The following EVC variants were observed in gnomAD, a reference collection of about 807,000 sequenced individuals.
The protein encoded by EVC is evC complex member EVC.
EVC carries 116 observed loss-of-function variants against 118.9 expected under a neutral mutation model. That is an observed-to-expected ratio of 0.98 (90% CI 0.84 to 1.14). The LOEUF is 1.14. Among genes scored for constraint, EVC ranks in the 50% most tolerant of loss-of-function variants. The pLI is 0.00. For missense variants in EVC, 1,401 were observed against 1,246.4 expected (o/e 1.12, Z -1.87); for synonymous variants, 619 against 534.7 (o/e 1.16, Z -2.18).
intron 9 of EVC, 141 bp downstream of exon 9, chr4:5,753,193 C>G (rs1730656312): frequency 3.7e-6 from 3 of 802,004 alleles, no homozygotes; most frequent in South Asian, 3.1e-5. Context: ...GCCCTAGGGA[C>G]TGGGTCACTG....
At chr4:5,800,645 G>A (rs1714803521) in intron 15 of EVC, among the ~76,000 whole-genome samples, 1 of 152,152 alleles carries the variant, frequency 6.6e-6, no homozygotes, top group Non-Finnish European at 1.5e-5. Flanking sequence ...GACCTTCGGG[G>A]AAAGAGGATG....
chr4:5,750,993 G>A (rs778872127), intron 8 of EVC, among the ~76,000 whole-genome samples: 2 of 152,044 alleles, frequency 1.3e-5, no homozygotes, highest in Non-Finnish European at 2.9e-5. Flanking sequence ...TATTAAAACT[G>A]GAAGAGCCCT....
intron 2 of EVC, among the ~76,000 whole-genome samples, chr4:5,727,241 C>T (rs1726002385): frequency 6.6e-6 from 1 of 152,100 alleles, no homozygotes; most frequent in Non-Finnish European, 1.5e-5. Flanking sequence ...CTGTTGTTTC[C>T]TGACTTTTTA....
rs1273256894 is a variant in EVC, at chr4:5,722,118, A to T, written c.300+2745A>T. 2.6e-5 allele frequency among the ~76,000 whole-genome samples: 4 copies of T among 152,124 alleles called. No individual in the cohort carries two copies. In the East Asian group the frequency reaches 7.7e-4, roughly 29 times the overall value. ...TGTGTGATGTTGGGCAGGAAGCATA[A>T]CCTGTCTGAGCCTCAAGTTTCTCAT... On this transcript the variant is annotated intron_variant, in intron 2 of 20. Transcript: ENST00000264956.
chr4:5,797,213 G>C lies in EVC; in HGVS notation c.2078G>C (p.Trp693Ser). 1 of 1,610,890 alleles carries C rather than the reference G, an allele frequency of 6.2e-7. No individual in the cohort carries two copies. Among genetic ancestry groups the C allele is most frequent in the Non-Finnish European group, 8.5e-7 (1 of 1,179,428 alleles). ...GSSQCLDEHQ[W>S]QLLRALEARV... ...TCCCAGTGCCTGGACGAGCATCAGTGGCAGCTGCTCAGGGCCCTGGTAAGA... is the reference window on the plus strand; with the variant it reads ...TCCCAGTGCCTGGACGAGCATCAGTCGCAGCTGCTCAGGGCCCTGGTAAGA... The change falls in exon 14 of 21, where the codon TGG becomes TCG. Residue 693 changes from tryptophan (W) to serine (S), a missense_variant. By Grantham distance (177) the Trp-to-Ser change is radical. Coordinates refer to ENST00000264956, the MANE Select transcript of EVC (RefSeq NM_153717.3).
intron 5 of EVC, among the ~76,000 whole-genome samples, 177 bp from the exon 6 acceptor site, chr4:5,741,539 G>A (rs1447932792): frequency 6.6e-6 from 1 of 152,144 alleles, no homozygotes; most frequent in Non-Finnish European, 1.5e-5. Flanking sequence ...CCATTGTCAT[G>A]ATTTATAATC....
chr4:5,753,728 C>T (rs79758861), intron 9 of EVC, 57 bp from the exon 10 acceptor site: 1 of 1,609,792 alleles, frequency 6.2e-7, no homozygotes, highest in Admixed American at 1.7e-5. Context: ...TGAGGGTCCC[C>T]ACTGAAATTC....
rs1034327304 is a variant in EVC at position 5,755,698 on chromosome 4, G to C, written c.1465-566G>C. Among the ~76,000 whole-genome samples the C allele has an allele frequency of 2.0e-5, 3 of 152,142 alleles. No homozygotes were observed. Among genetic ancestry groups the C allele is most frequent in the Non-Finnish European group, 4.4e-5 (3 of 68,028 alleles). On this transcript the variant is annotated intron_variant, in intron 10 of 20. Coordinates refer to ENST00000264956, the MANE Select transcript of EVC (RefSeq NM_153717.3). This position sits in a 1 kb window ranked among gnomAD's most constrained non-coding sequence, Gnocchi z 4.1. ...GAATTTTCTCCTGCAACCCTTCCCT[G>C]AGAAGGGTCTGTTCCTCTGTCCTTC...
At chr4:5,816,405 T>C (rs1297065874), downstream of EVC, among the ~76,000 whole-genome samples, 1 of 152,148 alleles carries the variant, frequency 6.6e-6, no homozygotes, top group Non-Finnish European at 1.5e-5. Flanking sequence ...TGCAGGGTGC[T>C]CCCAGTGCCT....
At chr4:5,797,257 C>G (rs1175750829) in intron 14 of EVC, 25 bp downstream of exon 14, 1 of 1,569,210 alleles carries the variant, frequency 6.4e-7, no homozygotes, top group Non-Finnish European at 8.7e-7. Flanking sequence ...GTGGCCCCAC[C>G]CATTCCAGAC....
At chr4:5,717,749 ACTT>A (rs1724220266) in intron 1 of EVC, among the ~76,000 whole-genome samples, 1 of 152,178 alleles carries the variant, frequency 6.6e-6, no homozygotes, top group South Asian at 2.1e-4. Flanking sequence ...TCATGGCCTC[ACTT>A]CTTTTAAGTT....
intron 8 of EVC, among the ~76,000 whole-genome samples, chr4:5,752,174 A>G (rs1730474917): frequency 6.6e-6 from 1 of 152,028 alleles, no homozygotes; most frequent in African/African-American, 2.4e-5. Flanking sequence ...GGAGATGCCA[A>G]CGTCCGCCGT....
Position 5,798,282 on chromosome 4 carries a change from G to A in EVC, c.2098-304G>A, listed in dbSNP as rs1419705748. Among the ~76,000 whole-genome samples, 1 of 152,164 alleles carries A rather than the reference G, an allele frequency of 6.6e-6. No individual in the cohort carries two copies. Among genetic ancestry groups the A allele is most frequent in the African/African-American group, 2.4e-5 (1 of 41,432 alleles). ...CCTTCGTGTCCTCCTCAGTGCTAGT[G>A]TTCAGGTCTCATGATGTTCTAGAAG... On this transcript the variant is annotated intron_variant, in intron 14 of 20. Coordinates refer to ENST00000264956, the MANE Select transcript of EVC (RefSeq NM_153717.3). The surrounding 1 kb of genome is among the most constrained non-coding windows in gnomAD (Gnocchi z 4.1).
At chr4:5,825,201 A>C in the EVC span, 2 of 985,186 alleles carry the variant, frequency 2.0e-6, no homozygotes, top group East Asian at 2.3e-4. This position sits in a 1 kb window ranked among gnomAD's most constrained non-coding sequence, Gnocchi z 4.4. Context: ...AAGAGTGTGA[A>C]AGTGTCCCCA....
intron 8 of EVC, among the ~76,000 whole-genome samples, chr4:5,750,647 G>T (rs1449640822): frequency 1.3e-5 from 2 of 152,196 alleles, no homozygotes; most frequent in Non-Finnish European, 2.9e-5. Flanking sequence ...CTCTCTCACA[G>T]GGTAGTTGAG....
intron 2 of EVC, among the ~76,000 whole-genome samples, chr4:5,726,568 C>CT (rs34483285): frequency 0.015 from 2,003 of 134,462 alleles, 59 homozygotes; most frequent in African/African-American, 0.042. Flanking sequence ...CTTCTCTTTT[C>CT]TTTTTTTTTT....
chr4:5,796,885 A>C, intron 13 of EVC, 137 bp from the exon 14 acceptor site: 1 of 742,182 alleles, frequency 1.3e-6, no homozygotes, highest in Non-Finnish European at 2.5e-6. Flanking sequence ...GCCTAAGAGG[A>C]TGGCAGCAGA....
intron 2 of EVC, among the ~76,000 whole-genome samples, 190 bp from the exon 3 acceptor site, chr4:5,729,117 C>G (rs563309985): frequency 6.6e-6 from 1 of 152,204 alleles, no homozygotes; most frequent in South Asian, 2.1e-4. Flanking sequence ...TCTATCCATC[C>G]ATCTGTTTGT....
rs146712125 is a variant in EVC, at chr4:5,796,221, A to C, written c.1887-801A>C. 2.6e-5 allele frequency among the ~76,000 whole-genome samples: 4 copies of C among 151,884 alleles called. 2 individuals are homozygous for C. In the South Asian group the frequency reaches 8.4e-4, roughly 32 times the overall value. ...TATCATTTAATTTCTGGAACATATTAATCATAATTAGTGTAAAGGTTGTGT... is the reference window on the plus strand; with the variant it reads ...TATCATTTAATTTCTGGAACATATTCATCATAATTAGTGTAAAGGTTGTGT... On this transcript the variant is annotated intron_variant, in intron 13 of 20. Transcript: ENST00000264956.
Sources: gnomAD v4.1 joint callset for allele counts (sites outside exome capture counted in the v4.1 genomes callset) on GRCh38, gnomAD v4.1.1 for gene constraint, Gnocchi (gnomAD v3.1) non-coding constraint, MANE v1.5 for transcripts, NCBI Gene and HGNC (gene_info 2026-07-23, HGNC 2026-07-21) for gene names.